The following RPS6KA5 variants were observed in gnomAD, a reference collection of about 807,000 sequenced individuals.
RPS6KA5 encodes ribosomal protein S6 kinase A5, also known as ribosomal protein S6 kinase alpha-5.
A neutral mutation model predicts 85.5 loss-of-function variants in RPS6KA5; 27 were observed. The observed-to-expected ratio is 0.32, with a 90% confidence interval of 0.23 to 0.44. RPS6KA5 has a LOEUF of 0.44. Ranked by LOEUF, RPS6KA5 falls within the 20% of genes least tolerant of loss-of-function variation. The probability of loss-of-function intolerance (pLI) is 1.00; values close to 1 mark genes in which losing one functional copy is unlikely to be tolerated. For synonymous variants in RPS6KA5, 334 were observed against 348.2 expected (o/e 0.96, Z 0.46); for missense variants, 811 against 980.9 (o/e 0.83, Z 2.31).
chr14:90,978,588 G>A, intron 2 of RPS6KA5, 64 bp from the exon 3 acceptor site: 1 of 1,228,186 alleles, frequency 8.1e-7, no homozygotes. Context: ...GTAATTTAGT[G>A]CAACTAAATT....
At chr14:91,004,861 G>A (rs1164544299) in intron 1 of RPS6KA5, among the ~76,000 whole-genome samples, 1 of 151,888 alleles carries the variant, frequency 6.6e-6, no homozygotes, top group Non-Finnish European at 1.5e-5. Context: ...CCAGCTCCTC[G>A]GGAGGCTGAG....
intron 14 of RPS6KA5, among the ~76,000 whole-genome samples, chr14:90,880,446 G>A (rs1312517597): frequency 6.6e-6 from 1 of 152,142 alleles, no homozygotes; most frequent in Non-Finnish European, 1.5e-5. Context: ...TTGTACATGT[G>A]AGAACTTCCT....
At position 91,053,474 on chromosome 14, in the gene RPS6KA5, A is replaced by G. The variant is rs535622924; in HGVS notation, c.103+6858T>C. 2.6e-5 allele frequency among the ~76,000 whole-genome samples: 4 copies of G among 152,324 alleles called. No homozygotes were observed. The South Asian group carries it at 8.3e-4, about 32-fold the overall frequency. ...TAGAAAATCCTAAGGTGTCCACTAA[A>G]CTATTAGAACCAATAAACTAGTTCA... On this transcript the variant is annotated intron_variant, in intron 1 of 16. Transcript: ENST00000614987.
intron 1 of RPS6KA5, chr14:91,060,030 G>C: frequency 3.0e-6 from 3 of 985,268 alleles, no homozygotes; most frequent in Non-Finnish European, 3.6e-6. Context: ...GTGCGGGAAG[G>C]GGGAGCAGCG....
chr14:91,001,088 C>A lies in RPS6KA5; in HGVS notation c.175G>T (p.Ala59Ser). 6.5e-7 allele frequency: 1 copy of A among 1,543,088 alleles called. No individual in the cohort carries two copies. The highest frequency in any genetic ancestry group is 1.2e-5 in the South Asian group (1 of 83,904). Residue 59 changes from alanine to serine, a missense_variant and splice_region_variant, in exon 2 of 17, where the codon GCT (alanine) becomes TCT (serine). Coordinates refer to ENST00000614987, the MANE Select transcript of RPS6KA5 (RefSeq NM_004755.4). ...TAAATATAATTAACTTAAGACTTAC[C>A]TCCAGTTCCTAGGACCTTCAGGAGC... ...FELLKVLGTG[A>S]YGKVFLVRKI...
At chr14:90,875,073 G>T in intron 15 of RPS6KA5, 128 bp downstream of exon 15, 1 of 871,456 alleles carries the variant, frequency 1.1e-6, no homozygotes, top group Non-Finnish European at 1.8e-6. Context: ...GAAGAGAGTA[G>T]CCTGGAAGCC....
intron 1 of RPS6KA5, among the ~76,000 whole-genome samples, chr14:91,036,787 G>A (rs1489370170): frequency 6.6e-6 from 1 of 152,182 alleles, no homozygotes; most frequent in African/African-American, 2.4e-5. Context: ...ACTGGCTCCT[G>A]CCCCCTCTAG....
chr14:90,973,369 G>A (rs753163942), intron 3 of RPS6KA5, among the ~76,000 whole-genome samples: 2 of 150,942 alleles, frequency 1.3e-5, no homozygotes, highest in Non-Finnish European at 3.0e-5. Flanking sequence ...CTTGAACCCA[G>A]GAGGCAGAGG....
intron 12 of RPS6KA5, 47 bp from the exon 13 acceptor site, chr14:90,894,630 A>C: frequency 8.2e-6 from 13 of 1,594,960 alleles, no homozygotes; most frequent in Non-Finnish European, 1.1e-5. Flanking sequence ...GAAGCACAGA[A>C]GTCTATTAAC....
At chr14:90,968,483 C>G (rs1012522702) in intron 3 of RPS6KA5, among the ~76,000 whole-genome samples, 2 of 152,144 alleles carry the variant, frequency 1.3e-5, no homozygotes, top group African/African-American at 2.4e-5. Flanking sequence ...AGAATGTGGG[C>G]ATCTCTGGGA....
At position 90,900,519 on chromosome 14, in the gene RPS6KA5, G is replaced by T. The variant is rs2054772946; in HGVS notation, c.1245+92C>A. 11 of 1,303,642 alleles carry T rather than the reference G, an allele frequency of 8.4e-6. No individual in the cohort carries two copies. In the Middle Eastern group the frequency reaches 7.7e-4, roughly 92 times the overall value. 80.8% of individuals were successfully genotyped at this position (1,303,642 alleles called of 1,614,324 possible). A position where few individuals can be genotyped will look rare whatever the true frequency, so the allele number is the denominator to read the frequency against. On this transcript the variant is annotated intron_variant, in intron 10 of 16. Coordinates refer to ENST00000614987, the MANE Select transcript of RPS6KA5 (RefSeq NM_004755.4). ...CCACTTTTAAAATTGCACTTTAGTT[G>T]AATTACTAGACTTAAGAACATTAAT... is the stretch of plus-strand genomic sequence containing the variant.
intron 7 of RPS6KA5, among the ~76,000 whole-genome samples, chr14:90,908,164 G>A (rs1425942087): frequency 6.6e-6 from 1 of 152,166 alleles, no homozygotes; most frequent in African/African-American, 2.4e-5. Context: ...CACCATGGTG[G>A]GTTCATCCTC....
intron 1 of RPS6KA5, among the ~76,000 whole-genome samples, chr14:91,020,328 GAAAT>G (rs1435611478): frequency 3.9e-5 from 6 of 152,026 alleles, no homozygotes; most frequent in African/African-American, 9.7e-5. Flanking sequence ...ACAACAATAA[GAAAT>G]AATACAGTAT....
In RPS6KA5 at chr14:90,871,862, CTAAAAAGAG is replaced by C; in HGVS notation, c.*203_*211del. On this transcript the variant is annotated 3_prime_UTR_variant, in exon 17 of 17. Coordinates refer to ENST00000614987, the MANE Select transcript of RPS6KA5 (RefSeq NM_004755.4). The stretch of plus-strand genomic sequence containing the variant: ...GTCTTGTTGGCATCATGCTAGGTTG[CTAAAAAGAG>C]TAATATGTGCTCTATTCACAGTAAC... The C allele has an allele frequency of 1.9e-6, 1 of 520,600 alleles. No individual in the cohort carries two copies. The highest frequency in any genetic ancestry group is 3.3e-6 in the Non-Finnish European group (1 of 305,166). The allele number at this position is 520,600 out of a possible 1,614,324, so 32.2% of individuals were successfully genotyped here.
chr14:90,960,389 T>C (rs1232144558), intron 3 of RPS6KA5, among the ~76,000 whole-genome samples: 6 of 152,162 alleles, frequency 3.9e-5, no homozygotes, highest in African/African-American at 9.7e-5. Flanking sequence ...AATTTTCAAA[T>C]TGTTATTCTC....
At position 90,870,805 on chromosome 14, in the gene RPS6KA5, C is replaced by CTTTTTTTTTT. The variant is rs78409439; in HGVS notation, c.*1259_*1268dup. 3.5e-5 allele frequency: 3 copies of CTTTTTTTTTT among 85,858 alleles called. No homozygotes were observed. Among genetic ancestry groups the CTTTTTTTTTT allele is most frequent in the African/African-American group, 4.6e-5 (1 of 21,750 alleles). The allele number at this position is 85,858 out of a possible 1,614,324, so 5.3% of individuals were successfully genotyped here. ...ATATAACACACAAACCCTATCACTTCTTTTTTTTTTTTTTTTTTTTTTGCA... is the reference window on the plus strand; with the variant it reads ...ATATAACACACAAACCCTATCACTTCTTTTTTTTTTTTTTTTTTTTTTTTTTTTTTTTGCA... On this transcript the variant is annotated 3_prime_UTR_variant, in exon 17 of 17. Coordinates refer to ENST00000614987, the MANE Select transcript of RPS6KA5 (RefSeq NM_004755.4).
chr14:90,895,625 C>CTA (rs2034796233), intron 12 of RPS6KA5, among the ~76,000 whole-genome samples: 1 of 152,186 alleles, frequency 6.6e-6, no homozygotes, highest in Non-Finnish European at 1.5e-5. Flanking sequence ...AAGCAAAGGG[C>CTA]TATAGATCCC....
chr14:90,868,863 A>G lies in RPS6KA5; in HGVS notation c.*3211T>C, dbSNP rs1264244683. On this transcript the variant is annotated 3_prime_UTR_variant, in exon 17 of 17. Coordinates refer to ENST00000614987, the MANE Select transcript of RPS6KA5 (RefSeq NM_004755.4). ...TAAAATAACTTACCTTATATTTAAA[A>G]GTTAGTCATTTACATACTTAAGAAA... is the stretch of plus-strand genomic sequence containing the variant. 1 of 152,228 alleles carries G rather than the reference A, an allele frequency of 6.6e-6. No homozygotes were observed. The highest frequency in any genetic ancestry group is 1.5e-5 in the Non-Finnish European group (1 of 68,042). The allele number at this position is 152,228 out of a possible 1,614,324, so 9.4% of individuals were successfully genotyped here. A position where few individuals can be genotyped will look rare whatever the true frequency, so the allele number is the denominator to read the frequency against.
intron 1 of RPS6KA5, among the ~76,000 whole-genome samples, chr14:91,050,699 G>A (rs1297150070): frequency 6.6e-6 from 1 of 152,102 alleles, no homozygotes; most frequent in Non-Finnish European, 1.5e-5. Flanking sequence ...AAAGTGCTGG[G>A]ATTACAGGCG....
Sources: allele counts gnomAD v4.1 joint callset (sites outside exome capture counted in the v4.1 genomes callset), GRCh38; gene constraint gnomAD v4.1.1; transcripts MANE v1.5; gene names NCBI Gene and HGNC (gene_info 2026-07-23, HGNC 2026-07-21).